PLSCR4: variants seen among roughly 807,000 people sequenced by gnomAD.
PLSCR4 encodes the protein phospholipid scramblase 4, also known as Ca(2+)-dependent phospholipid scramblase 4.
In PLSCR4, 25 loss-of-function variants were observed where a neutral mutation model predicts 36.3. The observed-to-expected ratio is 0.69, with a 90% CI of 0.50 to 0.96. PLSCR4 has a LOEUF of 0.96. Ranked by LOEUF, PLSCR4 falls within the 40% of genes least tolerant of loss-of-function variation. PLSCR4 has a pLI of 0.00. For synonymous variants in PLSCR4, 122 were observed against 132.9 expected (o/e 0.92, Z 0.56); for missense variants, 408 against 414.7 (o/e 0.98, Z 0.14).
chr3:146,196,658 C>A lies in PLSCR4; in HGVS notation c.760G>T (p.Gly254Cys). The change falls in exon 7 of 9, where the codon GGC becomes TGC. Residue 254 changes from glycine (G) to cysteine (C), a missense_variant. By Grantham distance (159) the Gly-to-Cys change is radical. Transcript: ENST00000354952. ...MRVRGPCSTY[G>C]CGSDSVFEVK... ...TCAAAAACAGAATCTGAACCACAGC[C>A]ATAGGTTGAGCATGGCCCACGAACT... The A allele has an allele frequency of 6.2e-7, 1 of 1,613,924 alleles. No homozygotes were observed.
At chr3:146,212,432 GTTTTGTTTTT>G (rs1446965701) in intron 3 of PLSCR4, among the ~76,000 whole-genome samples, 1 of 24,714 alleles carries the variant, frequency 4.0e-5, no homozygotes, top group Admixed American at 5.2e-4. Context: ...GGGTTTTTTT[GTTTTGTTTTT>G]TTTTGTTTTT....
intron 1 of PLSCR4, among the ~76,000 whole-genome samples, chr3:146,235,949 G>A (rs1408727927): frequency 6.6e-6 from 1 of 152,042 alleles, no homozygotes. Flanking sequence ...TTTCTAAGCA[G>A]CAAAACATCA....
chr3:146,240,457 T>C (rs931247303), intron 1 of PLSCR4, among the ~76,000 whole-genome samples: 1 of 151,398 alleles, frequency 6.6e-6, no homozygotes. Flanking sequence ...AAATAAACAT[T>C]AGCTGAGCAA....
At chr3:146,246,022 G>T (rs1270035822) in intron 1 of PLSCR4, among the ~76,000 whole-genome samples, 1 of 152,048 alleles carries the variant, frequency 6.6e-6, no homozygotes, top group East Asian at 1.9e-4. Flanking sequence ...AATGACTGAA[G>T]GATTCAGTCA....
intron 1 of PLSCR4, among the ~76,000 whole-genome samples, chr3:146,245,663 A>G (rs1393356727): frequency 6.6e-6 from 1 of 152,216 alleles, no homozygotes; most frequent in Admixed American, 6.5e-5. Flanking sequence ...AATTATAATG[A>G]TAGCAATGTT....
At position 146,204,355 on chromosome 3, in the gene PLSCR4, T is replaced by C. The variant is rs560012683; in HGVS notation, c.354+2171A>G. Among the ~76,000 whole-genome samples the C allele has an allele frequency of 5.9e-5, 9 of 152,154 alleles. No individual in the cohort carries two copies. The East Asian group carries it at 1.4e-3, about 23-fold the overall frequency. On this transcript the variant is annotated intron_variant, in intron 4 of 8. Coordinates refer to ENST00000354952, the MANE Select transcript of PLSCR4 (RefSeq NM_020353.3). ...GGTATTTAAGCTAATAACAGCCACA[T>C]AGCTTTCATCCATTGGGACGGCCCT...
At chr3:146,199,704 T>G in intron 6 of PLSCR4, 109 bp downstream of exon 6, 1 of 884,268 alleles carries the variant, frequency 1.1e-6, no homozygotes, top group African/African-American at 1.7e-5. Context: ...CTTCTTCCAT[T>G]CTGGCTGGCA....
intron 1 of PLSCR4, among the ~76,000 whole-genome samples, chr3:146,243,087 T>C (rs540245180): frequency 6.6e-6 from 1 of 152,172 alleles, no homozygotes; most frequent in Non-Finnish European, 1.5e-5. Context: ...AAGTTCCTAA[T>C]TGACACTTGG....
intron 1 of PLSCR4, among the ~76,000 whole-genome samples, chr3:146,234,516 A>G (rs2903479): frequency 0.81 from 122,729 of 152,064 alleles, 49,954 homozygotes; most frequent in Admixed American, 0.86. Context: ...AGCAGCTGTG[A>G]CTCCAAAAGA....
chr3:146,213,451 T>C (rs11716310), intron 3 of PLSCR4, among the ~76,000 whole-genome samples: 111,690 of 151,294 alleles, frequency 0.74, 41,531 homozygotes, highest in South Asian at 0.82. Context: ...CCTGTCTCAG[T>C]GTCCCAAGTA....
At chr3:146,240,435 G>A (rs1029183453) in intron 1 of PLSCR4, among the ~76,000 whole-genome samples, 5 of 152,032 alleles carry the variant, frequency 3.3e-5, no homozygotes, top group Non-Finnish European at 7.4e-5. Context: ...ATGAGACCCC[G>A]TCTCTACGAA....
In PLSCR4 at chr3:146,206,635, C is replaced by G. The variant is rs138338377; in HGVS notation, c.245G>C (p.Arg82Pro). ...CATAGGATATTTGCCAGGCTGATACCGGACAGGATGGATACCACCAACTGG... is the reference window on the plus strand; with the variant it reads ...CATAGGATATTTGCCAGGCTGATACGGGACAGGATGGATACCACCAACTGG... ...YQPVGGIHPV[R>P]YQPGKYPMPN... The change falls in exon 4 of 9, where the codon CGG becomes CCG. Residue 82 changes from arginine (R) to proline (P), a missense_variant. Coordinates refer to ENST00000354952, the MANE Select transcript of PLSCR4 (RefSeq NM_020353.3). 1.2e-5 allele frequency: 20 copies of G among 1,613,322 alleles called. No individual in the cohort carries two copies. The South Asian group carries it at 2.2e-4, about 18-fold the overall frequency.
rs2033445884 is a variant in PLSCR4 at position 146,192,526 on chromosome 3, TTTTAACTC to T, written c.*1877_*1884del. Reference sequence around the variant, plus strand: ...ATATGACAATATTATATAAAGAAAATTTTAACTCTAAGAGACAAATATAATTTTTTAAA... The same window carrying T: ...ATATGACAATATTATATAAAGAAAATTAAGAGACAAATATAATTTTTTAAA... On this transcript the variant is annotated 3_prime_UTR_variant, in exon 9 of 9. Transcript: ENST00000354952. 6.6e-6 allele frequency: 1 copy of T among 151,226 alleles called. No individual in the cohort carries two copies. Among genetic ancestry groups the T allele is most frequent in the Non-Finnish European group, 1.5e-5 (1 of 67,790 alleles). The allele number at this position is 151,226 out of a possible 1,614,324, so 9.4% of individuals were successfully genotyped here.
intron 1 of PLSCR4, among the ~76,000 whole-genome samples, chr3:146,225,075 G>T (rs2035388247): frequency 6.7e-6 from 1 of 150,324 alleles, no homozygotes; most frequent in Non-Finnish European, 1.5e-5. Context: ...CAATCCCTGA[G>T]ATAGACATAA....
chr3:146,236,118 G>A (rs1427991920), intron 1 of PLSCR4, among the ~76,000 whole-genome samples: 1 of 152,130 alleles, frequency 6.6e-6, no homozygotes, highest in Non-Finnish European at 1.5e-5. Flanking sequence ...TTCAGGGGAG[G>A]AATTCAAGCA....
At chr3:146,232,675 G>T (rs1361063239) in intron 1 of PLSCR4, among the ~76,000 whole-genome samples, 6 of 152,038 alleles carry the variant, frequency 3.9e-5, no homozygotes, top group African/African-American at 1.4e-4. Flanking sequence ...GCTACTGATT[G>T]TTTTACACTG....
intron 5 of PLSCR4, among the ~76,000 whole-genome samples, 162 bp from the exon 6 acceptor site, chr3:146,200,201 A>G (rs534868993): frequency 1.9e-4 from 29 of 152,198 alleles, no homozygotes; most frequent in African/African-American, 7.0e-4. Context: ...ATATTATCTA[A>G]AAGTATTTAA....
At chr3:146,211,003 C>T (rs1355721025) in intron 3 of PLSCR4, among the ~76,000 whole-genome samples, 1 of 151,988 alleles carries the variant, frequency 6.6e-6, no homozygotes, top group Non-Finnish European at 1.5e-5. Flanking sequence ...AGGTTGCTTT[C>T]ACTCTGGGCT....
chr3:146,207,730 T>C (rs1206100207), intron 3 of PLSCR4, among the ~76,000 whole-genome samples: 2 of 152,052 alleles, frequency 1.3e-5, no homozygotes, highest in Non-Finnish European at 1.5e-5. Context: ...CCCACAGCAC[T>C]TATCCCTCTA....
Sources: allele counts gnomAD v4.1 joint callset (sites outside exome capture counted in the v4.1 genomes callset), GRCh38; gene constraint gnomAD v4.1.1; transcripts MANE v1.5; gene names NCBI Gene and HGNC (gene_info 2026-07-23, HGNC 2026-07-21).